Variants in ATG7 observed in about 807,000 individuals in gnomAD.
ATG7 encodes the protein autophagy related 7.
A neutral mutation model predicts 82.4 loss-of-function variants in ATG7; 70 were observed. That is an observed-to-expected ratio of 0.85 (90% CI 0.70 to 1.04). ATG7 has a LOEUF of 1.04. ATG7 is among the 50% of genes least tolerant of loss of function. The pLI is 0.00. For synonymous variants in ATG7, 287 were observed against 313.0 expected (o/e 0.92, Z 0.88); for missense variants, 792 against 864.3 (o/e 0.92, Z 1.05).
intron 20 of ATG7, among the ~76,000 whole-genome samples, chr3:11,499,931 G>T (rs1347389265): frequency 1.3e-5 from 2 of 152,002 alleles, no homozygotes; most frequent in Non-Finnish European, 2.9e-5. Context: ...ATAGTAGGTG[G>T]CCAACAAATA....
chr3:11,552,143 CT>C (rs2071865545), intron 20 of ATG7, among the ~76,000 whole-genome samples: 1 of 152,194 alleles, frequency 6.6e-6, no homozygotes, highest in Admixed American at 6.5e-5. Context: ...TTACTAAATA[CT>C]TTTTCATTTG....
chr3:11,378,393 T>C (rs1298160110), intron 18 of ATG7, among the ~76,000 whole-genome samples: 1 of 150,768 alleles, frequency 6.6e-6, no homozygotes, highest in East Asian at 2.0e-4. Flanking sequence ...ATAGAAATGA[T>C]AAATTCGGGC....
intron 20 of ATG7, among the ~76,000 whole-genome samples, chr3:11,492,513 C>G (rs73812464): frequency 3.6e-4 from 55 of 152,330 alleles, no homozygotes; most frequent in African/African-American, 1.2e-3. Context: ...TCTTGACACC[C>G]TTTGCTGAGG....
chr3:11,314,540 T>C (rs1258114085), intron 8 of ATG7, among the ~76,000 whole-genome samples: 3 of 152,188 alleles, frequency 2.0e-5, no homozygotes, highest in Non-Finnish European at 4.4e-5. Context: ...TTTCTTTTAT[T>C]GAGGACAAAA....
chr3:11,494,243 C>G (rs150717420), intron 20 of ATG7, among the ~76,000 whole-genome samples: 17 of 152,066 alleles, frequency 1.1e-4, no homozygotes, highest in African/African-American at 4.1e-4. Context: ...TGCAGGAAAA[C>G]AGGAATTAGG....
intron 5 of ATG7, among the ~76,000 whole-genome samples, chr3:11,301,200 G>A (rs1438574263): frequency 6.6e-6 from 1 of 152,132 alleles, no homozygotes; most frequent in Non-Finnish European, 1.5e-5. Flanking sequence ...GGGCCACTGT[G>A]TTTGTTGATT....
chr3:11,355,667 A>G (rs986223629), intron 14 of ATG7, among the ~76,000 whole-genome samples: 1 of 152,238 alleles, frequency 6.6e-6, no homozygotes, highest in Non-Finnish European at 1.5e-5. Context: ...GAGATATATC[A>G]CTATACACCT....
At chr3:11,461,753 G>A (rs539990666) in intron 20 of ATG7, among the ~76,000 whole-genome samples, 35 of 152,200 alleles carry the variant, frequency 2.3e-4, no homozygotes, top group African/African-American at 6.0e-4. Flanking sequence ...TGGGCCGGGC[G>A]CAGTGGCTCA....
At position 11,395,970 on chromosome 3, in the gene ATG7, G is replaced by GC. The variant is rs1375267350; in HGVS notation, c.1956+15918_1956+15919insC. Among the ~76,000 whole-genome samples the GC allele has an allele frequency of 4.3e-5, 5 of 115,362 alleles. 1 individual carries two copies. The highest frequency in any genetic ancestry group is 5.3e-4 in the East Asian group (2 of 3,762). 75.7% of individuals were successfully genotyped at this position (115,362 alleles called of 152,430 possible). ...AAAAAAAAAAAAAAAAAAAAAGGTA[G>GC]GGGGGGAAGAGTAAAAGTGAAGGTA... On this transcript the variant is annotated intron_variant, in intron 19 of 20. Coordinates refer to ENST00000693202, the MANE Select transcript of ATG7 (RefSeq NM_001349232.2).
At chr3:11,388,432 CTTT>C (rs111590381) in intron 19 of ATG7, among the ~76,000 whole-genome samples, 1 of 137,524 alleles carries the variant, frequency 7.3e-6, no homozygotes, top group Admixed American at 7.3e-5. Flanking sequence ...CATGTTCCTT[CTTT>C]TTTTTTTTTT....
At chr3:11,364,441 A>G (rs144301641) in intron 17 of ATG7, among the ~76,000 whole-genome samples, 3 of 152,338 alleles carry the variant, frequency 2.0e-5, no homozygotes, top group East Asian at 1.9e-4. Flanking sequence ...CAACTTGCCT[A>G]TGGTCACAAG....
At chr3:11,294,213 C>T (rs1431923694) in intron 3 of ATG7, among the ~76,000 whole-genome samples, 1 of 151,814 alleles carries the variant, frequency 6.6e-6, no homozygotes, top group Non-Finnish European at 1.5e-5. Context: ...GCCTCAAATC[C>T]TCAAATCACC....
chr3:11,412,484 G>A (rs1054648790), intron 19 of ATG7, among the ~76,000 whole-genome samples: 10 of 151,942 alleles, frequency 6.6e-5, no homozygotes, highest in East Asian at 1.9e-4. Context: ...TTGTTTCTGC[G>A]CTCTCTATTC....
intron 14 of ATG7, 83 bp downstream of exon 14, chr3:11,348,118 AAGAG>A: frequency 1.3e-6 from 2 of 1,495,694 alleles, no homozygotes; most frequent in Non-Finnish European, 1.8e-6. Flanking sequence ...GCATTGAAGA[AAGAG>A]AGTCAGATAT....
At chr3:11,402,229 C>T (rs1020087682) in intron 19 of ATG7, among the ~76,000 whole-genome samples, 6 of 152,074 alleles carry the variant, frequency 3.9e-5, no homozygotes, top group Non-Finnish European at 7.3e-5. Context: ...GTCAGAAGTT[C>T]GAAACCAGCC....
At chr3:11,332,310 T>C (rs1346519486) in intron 10 of ATG7, among the ~76,000 whole-genome samples, 4 of 152,232 alleles carry the variant, frequency 2.6e-5, no homozygotes, top group Non-Finnish European at 4.4e-5. Flanking sequence ...ATTCCATTTA[T>C]GTAAAGTTAA....
the ATG7 span, among the ~76,000 whole-genome samples, chr3:11,565,718 T>C: frequency 1.6e-3 from 247 of 152,308 alleles, no homozygotes; most frequent in Non-Finnish European, 1.6e-3. The surrounding 1 kb of genome is among the most constrained non-coding windows in gnomAD (Gnocchi z 4.1). Context: ...GCCCTGGCCA[T>C]GTGCTGAGCA....
At chr3:11,541,781 C>T (rs951103627) in intron 20 of ATG7, among the ~76,000 whole-genome samples, 2 of 152,196 alleles carry the variant, frequency 1.3e-5, no homozygotes. Context: ...GTAAAAGTGC[C>T]TGCCTTTTTA....
intron 19 of ATG7, among the ~76,000 whole-genome samples, chr3:11,397,561 G>A (rs2079418999): frequency 6.6e-6 from 1 of 151,858 alleles, no homozygotes; most frequent in African/African-American, 2.4e-5. Context: ...AGGTTCAAAT[G>A]ATTCTCCTGC....
Sources: allele counts gnomAD v4.1 joint callset (sites outside exome capture counted in the v4.1 genomes callset), GRCh38; gene constraint gnomAD v4.1.1; non-coding constraint Gnocchi (gnomAD v3.1); transcripts MANE v1.5; gene names NCBI Gene and HGNC (gene_info 2026-07-23, HGNC 2026-07-21).